Variants in CTNND2 observed in about 807,000 individuals in gnomAD.
CTNND2 encodes catenin delta-2.
In CTNND2, 22 loss-of-function variants were observed where a neutral mutation model predicts 144.4. The ratio of observed to expected loss-of-function variants is 0.15; its 90% confidence interval spans 0.11 to 0.22. CTNND2 has a LOEUF of 0.22. Ranked by LOEUF, CTNND2 falls within the 10% of genes least tolerant of loss-of-function variation. The probability of loss-of-function intolerance (pLI) is 1.00; values close to 1 mark genes in which losing one functional copy is unlikely to be tolerated. For missense variants in CTNND2, 1,353 were observed against 1,618.8 expected (o/e 0.84, Z 2.82); for synonymous variants, 751 against 695.6 (o/e 1.08, Z -1.25).
chr5:11,187,971 C>T (rs1043881034), intron 11 of CTNND2, among the ~76,000 whole-genome samples: 12 of 152,018 alleles, frequency 7.9e-5, no homozygotes, highest in African/African-American at 2.4e-4. Context: ...GGCGAGGCTG[C>T]GGAGAAACAG....
chr5:11,707,960 C>CA (rs1785799642), intron 2 of CTNND2, among the ~76,000 whole-genome samples: 1 of 152,032 alleles, frequency 6.6e-6, no homozygotes, highest in African/African-American at 2.4e-5. Context: ...CTGCATTTTG[C>CA]TAATTGTAGG....
intron 16 of CTNND2, among the ~76,000 whole-genome samples, chr5:11,034,541 G>T (rs1346223208): frequency 1.3e-5 from 2 of 152,196 alleles, no homozygotes; most frequent in African/African-American, 4.8e-5. Flanking sequence ...TCCTGGACTT[G>T]TTCATGTTGC....
intron 9 of CTNND2, among the ~76,000 whole-genome samples, chr5:11,275,653 A>T (rs982909533): frequency 6.6e-6 from 1 of 152,208 alleles, no homozygotes; most frequent in Non-Finnish European, 1.5e-5. Flanking sequence ...TACACTACAC[A>T]TATTCTCTCC....
Position 11,412,091 on chromosome 5 carries a change from G to C in CTNND2, c.288-22C>G, listed in dbSNP as rs552555130. Reference sequence around the variant, plus strand: ...TGAACTGTAAAAAAGAAAATACAGAGATATAATGCATTGATTAGAAAAGAA... The same window carrying C: ...TGAACTGTAAAAAAGAAAATACAGACATATAATGCATTGATTAGAAAAGAA... On this transcript the variant is annotated intron_variant, in intron 3 of 21. Transcript: ENST00000304623. 5 of 1,593,422 alleles carry C rather than the reference G, an allele frequency of 3.1e-6. 1 individual carries two copies. The South Asian group carries it at 5.5e-5, about 18-fold the overall frequency.
intron 1 of CTNND2, among the ~76,000 whole-genome samples, chr5:11,857,575 T>C (rs1795309707): frequency 6.6e-6 from 1 of 152,170 alleles, no homozygotes; most frequent in African/African-American, 2.4e-5. Context: ...GCCAGAATAA[T>C]GCACAAGGCT....
chr5:11,482,492 T>C (rs1266109478), intron 3 of CTNND2, among the ~76,000 whole-genome samples: 1 of 151,962 alleles, frequency 6.6e-6, no homozygotes. Flanking sequence ...GGGAATGAAG[T>C]AGTGAATAAA....
intron 21 of CTNND2, among the ~76,000 whole-genome samples, 167 bp downstream of exon 21, chr5:10,981,606 C>G (rs1737263005): frequency 6.6e-6 from 1 of 151,374 alleles, no homozygotes; most frequent in Admixed American, 6.6e-5. Context: ...CACACACACA[C>G]AGAGACACAC....
At chr5:11,008,316 C>T (rs1375053755) in intron 18 of CTNND2, among the ~76,000 whole-genome samples, 1 of 152,036 alleles carries the variant, frequency 6.6e-6, no homozygotes, top group Admixed American at 6.6e-5. Context: ...TCTGAATATC[C>T]CAGTAGGCCC....
intron 1 of CTNND2, among the ~76,000 whole-genome samples, chr5:11,887,954 A>G (rs1439810782): frequency 6.6e-6 from 1 of 152,232 alleles, no homozygotes; most frequent in Non-Finnish European, 1.5e-5. Flanking sequence ...CTATATATAA[A>G]GTAGATTTTT....
chr5:11,249,529 T>C (rs1374746376), intron 9 of CTNND2, among the ~76,000 whole-genome samples: 2 of 152,198 alleles, frequency 1.3e-5, no homozygotes, highest in Non-Finnish European at 2.9e-5. Flanking sequence ...CAGAGTAATG[T>C]TCAACCTGTG....
In CTNND2 at chr5:11,459,003, C is replaced by A. The variant is rs574573665; in HGVS notation, c.288-46934G>T. On this transcript the variant is annotated intron_variant, in intron 3 of 21. Transcript: ENST00000304623. ...CACCCTGGTCTTGAACTTCTGGGCT[C>A]AGGCAATTTTCCCACCTCAGCCTCC... Among the ~76,000 whole-genome samples the A allele has an allele frequency of 2.6e-5, 4 of 151,976 alleles. No individual in the cohort carries two copies. In the South Asian group the frequency reaches 8.3e-4, roughly 32 times the overall value.
At chr5:11,100,797 C>T (rs1172735131) in intron 14 of CTNND2, among the ~76,000 whole-genome samples, 1 of 152,144 alleles carries the variant, frequency 6.6e-6, no homozygotes, top group Non-Finnish European at 1.5e-5. Context: ...TAAGAGCTAA[C>T]CTAACAGCAA....
At chr5:11,887,639 T>C (rs540704842) in intron 1 of CTNND2, among the ~76,000 whole-genome samples, 49 of 152,350 alleles carry the variant, frequency 3.2e-4, no homozygotes, top group African/African-American at 1.1e-3. Flanking sequence ...ATGACCAGTA[T>C]TGATACATTA....
Position 11,384,560 on chromosome 5 carries a change from T to C in CTNND2, c.1177+105A>G. 9.4e-7 allele frequency: 1 copy of C among 1,059,524 alleles called. No individual in the cohort carries two copies. The highest frequency in any genetic ancestry group is 2.6e-5 in the East Asian group (1 of 38,298). The allele number at this position is 1,059,524 out of a possible 1,614,324, so 65.6% of individuals were successfully genotyped here. Reference sequence around the variant, plus strand: ...TCTGTCTCCTGCAACTACTACAACCTGGCAGACAGCGCGCCCGGCTTCGCT... The same window carrying C: ...TCTGTCTCCTGCAACTACTACAACCCGGCAGACAGCGCGCCCGGCTTCGCT... On this transcript the variant is annotated intron_variant, in intron 7 of 21. Coordinates refer to ENST00000304623, the MANE Select transcript of CTNND2 (RefSeq NM_001332.4). The surrounding 1 kb of genome is among the most constrained non-coding windows in gnomAD (Gnocchi z 5.2).
intron 2 of CTNND2, among the ~76,000 whole-genome samples, chr5:11,704,620 C>T (rs1785609021): frequency 6.6e-6 from 1 of 151,932 alleles, no homozygotes; most frequent in African/African-American, 2.4e-5. Context: ...CTGGAGGGCT[C>T]CTCGAATGGA....
At chr5:11,170,434 G>C (rs1372259923) in intron 11 of CTNND2, among the ~76,000 whole-genome samples, 1 of 152,172 alleles carries the variant, frequency 6.6e-6, no homozygotes, top group Non-Finnish European at 1.5e-5. Context: ...CATACAACAT[G>C]ATATTTTGAA....
Position 11,082,805 on chromosome 5 carries a change from G to A in CTNND2, c.2679C>T (p.Gly893=). The A allele has an allele frequency of 6.2e-7, 1 of 1,614,136 alleles. No homozygotes were observed. Among genetic ancestry groups the A allele is most frequent in the Non-Finnish European group, 8.5e-7 (1 of 1,180,034 alleles). ...YIRAAVRKEK[G]LPILVELLRI... is the part of the protein sequence containing the mutation. ...GGAGCAGCTCCACGAGGATGGGCAG[G>A]CCTTTCTCTTTTCGGACAGCGGCTC... is the stretch of plus-strand genomic sequence containing the variant. Residue 893 remains glycine, a synonymous_variant, in exon 16 of 22, where the codon GGC becomes GGT. Coordinates refer to ENST00000304623, the MANE Select transcript of CTNND2 (RefSeq NM_001332.4).
At chr5:11,546,817 C>T (rs1775274846) in intron 3 of CTNND2, among the ~76,000 whole-genome samples, 1 of 152,078 alleles carries the variant, frequency 6.6e-6, no homozygotes, top group Non-Finnish European at 1.5e-5. Context: ...AAGCAGACTA[C>T]ACATATGTGA....
At chr5:11,164,995 A>G (rs1403421005) in intron 11 of CTNND2, among the ~76,000 whole-genome samples, 2 of 152,198 alleles carry the variant, frequency 1.3e-5, no homozygotes, top group Non-Finnish European at 2.9e-5. Flanking sequence ...AGCACTAAAG[A>G]AAAATAAAAA....
Sources: gnomAD v4.1 joint callset for allele counts (sites outside exome capture counted in the v4.1 genomes callset) on GRCh38, gnomAD v4.1.1 for gene constraint, Gnocchi (gnomAD v3.1) non-coding constraint, MANE v1.5 for transcripts, NCBI Gene and HGNC (gene_info 2026-07-23, HGNC 2026-07-21) for gene names.